The following GULP1 variants were observed in gnomAD, a reference collection of about 807,000 sequenced individuals.
The protein encoded by GULP1 is GULP PTB domain containing engulfment adaptor 1.
GULP1 carries 19 observed loss-of-function variants against 40.9 expected under a neutral mutation model. The observed-to-expected ratio is 0.46, with a 90% CI of 0.32 to 0.68. The LOEUF (loss-of-function observed/expected upper bound fraction) is 0.68, where lower values mean the gene tolerates loss of function less well. Among genes scored for constraint, GULP1 ranks in the 30% least tolerant of loss-of-function variants. The probability of loss-of-function intolerance (pLI) is 0.03; values close to 1 mark genes in which losing one functional copy is unlikely to be tolerated. For synonymous variants in GULP1, 119 were observed against 117.6 expected, an observed-to-expected ratio of 1.01 and a Z score of -0.08; for missense variants, 312 against 362.2, an observed-to-expected ratio of 0.86 and a Z score of 1.12.
intron 2 of GULP1, among the ~76,000 whole-genome samples, chr2:188,461,451 G>C (rs1476300877): frequency 6.6e-6 from 1 of 151,130 alleles, no homozygotes; most frequent in Non-Finnish European, 1.5e-5. Flanking sequence ...CTCCCGAGTA[G>C]CTGAGATTAC....
At chr2:188,408,203 A>G (rs890137461) in intron 2 of GULP1, among the ~76,000 whole-genome samples, 1 of 152,130 alleles carries the variant, frequency 6.6e-6, no homozygotes, top group South Asian at 2.1e-4. Flanking sequence ...GATGCCTCCC[A>G]CCATTGTCAT....
intron 4 of GULP1, among the ~76,000 whole-genome samples, chr2:188,498,614 C>T (rs983336435): frequency 4.6e-5 from 7 of 151,738 alleles, no homozygotes; most frequent in African/African-American, 7.3e-5. Context: ...TCACTATCCT[C>T]AAAGGAAAAG....
At chr2:188,331,153 A>G (rs1197306757) in intron 1 of GULP1, among the ~76,000 whole-genome samples, 1 of 152,124 alleles carries the variant, frequency 6.6e-6, no homozygotes, top group Non-Finnish European at 1.5e-5. Context: ...TCTCTGAAGT[A>G]TAATTGAGCC....
chr2:188,416,657 A>C (rs917387544), intron 2 of GULP1, among the ~76,000 whole-genome samples: 1 of 152,188 alleles, frequency 6.6e-6, no homozygotes, highest in Admixed American at 6.5e-5. Flanking sequence ...TAATTCACCT[A>C]CATCAATTTG....
chr2:188,353,201 A>T (rs1019680159), intron 1 of GULP1, among the ~76,000 whole-genome samples: 2 of 152,124 alleles, frequency 1.3e-5, no homozygotes, highest in Non-Finnish European at 2.9e-5. Context: ...TAAGGAAAAC[A>T]AATCTGTAGT....
intron 4 of GULP1, among the ~76,000 whole-genome samples, chr2:188,486,776 A>T (rs1399087089): frequency 6.6e-6 from 1 of 151,974 alleles, no homozygotes; most frequent in Non-Finnish European, 1.5e-5. Flanking sequence ...CAGTGACAGC[A>T]TTAATATTAG....
intron 7 of GULP1, among the ~76,000 whole-genome samples, chr2:188,550,808 T>TA (rs1693274532): frequency 6.6e-6 from 1 of 151,548 alleles, no homozygotes; most frequent in Non-Finnish European, 1.5e-5. Context: ...AATGTTTTTT[T>TA]TATTTCATTA....
At chr2:188,571,836 T>C (rs1699116967) in intron 9 of GULP1, among the ~76,000 whole-genome samples, 1 of 152,244 alleles carries the variant, frequency 6.6e-6, no homozygotes, top group African/African-American at 2.4e-5. Flanking sequence ...AACGTAGTTG[T>C]TTCTGGAATT....
At chr2:188,426,020 T>A (rs1398076616) in intron 2 of GULP1, among the ~76,000 whole-genome samples, 3 of 152,286 alleles carry the variant, frequency 2.0e-5, no homozygotes, top group South Asian at 2.1e-4. Flanking sequence ...TAAGAACATA[T>A]GCCTCTAAGT....
chr2:188,418,475 T>C (rs570490835), intron 2 of GULP1, among the ~76,000 whole-genome samples: 3 of 152,036 alleles, frequency 2.0e-5, no homozygotes, highest in African/African-American at 4.8e-5. Flanking sequence ...CTACTAAAAA[T>C]ACAAAAAATT....
chr2:188,490,952 C>A (rs549749573), intron 4 of GULP1, among the ~76,000 whole-genome samples: 1 of 152,002 alleles, frequency 6.6e-6, no homozygotes, highest in East Asian at 2.0e-4. Flanking sequence ...TACAGGCCTG[C>A]ACCACCATGC....
intron 2 of GULP1, among the ~76,000 whole-genome samples, chr2:188,466,971 A>C (rs2060179040): frequency 6.6e-6 from 1 of 151,956 alleles, no homozygotes; most frequent in Non-Finnish European, 1.5e-5. Flanking sequence ...TCACTCAGTT[A>C]AGAAGAAAAA....
At chr2:188,545,690 A>G (rs1193230787) in intron 7 of GULP1, among the ~76,000 whole-genome samples, 1 of 151,924 alleles carries the variant, frequency 6.6e-6, no homozygotes, top group East Asian at 1.9e-4. Context: ...TAGGTAACAG[A>G]AAAGAAAAAG....
At chr2:188,564,203 T>C (rs1697061623) in intron 7 of GULP1, among the ~76,000 whole-genome samples, 1 of 151,920 alleles carries the variant, frequency 6.6e-6, no homozygotes, top group South Asian at 2.1e-4. Context: ...CTGGGAACAA[T>C]GCAAGGATGT....
chr2:188,405,389 G>C (rs749250912), intron 2 of GULP1, among the ~76,000 whole-genome samples: 11 of 152,040 alleles, frequency 7.2e-5, no homozygotes, highest in Non-Finnish European at 1.3e-4. Context: ...AATAGATTCA[G>C]GGTCCACACC....
chr2:188,460,233 G>A (rs532450700), intron 2 of GULP1, among the ~76,000 whole-genome samples: 1 of 152,056 alleles, frequency 6.6e-6, no homozygotes, highest in African/African-American at 2.4e-5. Context: ...ATTGCTTTAG[G>A]GTAGTATGTA....
At chr2:188,443,294 A>T (rs1406693003) in intron 2 of GULP1, among the ~76,000 whole-genome samples, 1 of 152,152 alleles carries the variant, frequency 6.6e-6, no homozygotes, top group Non-Finnish European at 1.5e-5. Context: ...GTTTCACATA[A>T]GCCTTGCTGC....
chr2:188,392,715 A>G (rs1348402371), intron 2 of GULP1, among the ~76,000 whole-genome samples: 2 of 151,924 alleles, frequency 1.3e-5, no homozygotes, highest in South Asian at 2.1e-4. Flanking sequence ...CAGATTTTTG[A>G]TGTAGGCATT....
chr2:188,355,977 C>CATAATAAAACTGTTCATAATA (rs1355640588), intron 1 of GULP1, among the ~76,000 whole-genome samples: 1 of 151,980 alleles, frequency 6.6e-6, no homozygotes, highest in Non-Finnish European at 1.5e-5. Flanking sequence ...TGATAAAATT[C>CATAATAAAACTGTTCATAATA]AACACATCTG....
Sources: allele counts gnomAD v4.1 joint callset (sites outside exome capture counted in the v4.1 genomes callset), GRCh38; gene constraint gnomAD v4.1.1; transcripts MANE v1.5; gene names NCBI Gene and HGNC (gene_info 2026-07-23, HGNC 2026-07-21).